The following WFDC8 variants were observed in gnomAD, a reference collection of about 807,000 sequenced individuals.
The protein encoded by WFDC8 is WAP four-disulfide core domain protein 8.
In WFDC8, 24 loss-of-function variants were observed where a neutral mutation model predicts 27.0. The observed-to-expected ratio is 0.89, with a 90% confidence interval of 0.64 to 1.25. WFDC8 has a LOEUF of 1.25. Ranked by LOEUF, WFDC8 falls within the 50% of genes most tolerant of loss-of-function variation. The pLI, the probability that WFDC8 is intolerant of heterozygous loss-of-function variation, is 0.00. For synonymous variants in WFDC8, 106 were observed against 99.7 expected (o/e 1.06, Z -0.38); for missense variants, 287 against 295.9 (o/e 0.97, Z 0.22).
rs184115183 is a variant in WFDC8, at chr20:45,558,312, C to T, written c.277+540G>A. ...TGTCTAGGGTGAATCTTTTCCCTCA[C>T]TTCAATAAGTAATAAACCCAATTTG... On this transcript the variant is annotated intron_variant, in intron 3 of 5. Coordinates refer to ENST00000289953, the MANE Select transcript of WFDC8 (RefSeq NM_130896.3). Among the ~76,000 whole-genome samples the T allele has an allele frequency of 3.3e-3, 496 of 152,322 alleles. 3 individuals are homozygous for T. Among genetic ancestry groups the T allele is most frequent in the African/African-American group, 0.011 (469 of 41,566 alleles).
At chr20:45,575,602 C>T (rs1050394508) in intron 1 of WFDC8, among the ~76,000 whole-genome samples, 1 of 151,160 alleles carries the variant, frequency 6.6e-6, no homozygotes, top group Non-Finnish European at 1.5e-5. Flanking sequence ...CCACCCAGAA[C>T]CTATCTTTTT....
At chr20:45,566,385 G>A (rs1980677050) in intron 1 of WFDC8, among the ~76,000 whole-genome samples, 1 of 152,100 alleles carries the variant, frequency 6.6e-6, no homozygotes, top group Admixed American at 6.5e-5. Context: ...TTGCTAGCCA[G>A]GTGCAGTGGC....
intron 1 of WFDC8, among the ~76,000 whole-genome samples, chr20:45,571,078 C>T (rs1233612041): frequency 6.6e-6 from 1 of 151,980 alleles, no homozygotes; most frequent in Admixed American, 6.5e-5. Context: ...ATTGAACCTA[C>T]TTTAAAAAAA....
intron 1 of WFDC8, among the ~76,000 whole-genome samples, chr20:45,571,723 A>G (rs1980875342): frequency 6.6e-6 from 1 of 152,212 alleles, no homozygotes; most frequent in African/African-American, 2.4e-5. Context: ...TAAGTGAGAC[A>G]TGCAATATTT....
chr20:45,565,017 A>AAAGAAAGGAAGGAAGGAAG lies in WFDC8; in HGVS notation c.27-2817_27-2799dup, dbSNP rs1227563726. On this transcript the variant is annotated intron_variant, in intron 1 of 5. Coordinates refer to ENST00000289953, the MANE Select transcript of WFDC8 (RefSeq NM_130896.3). ...GGAAAGGAAAGGAAGAAAGAAAGAG[A>AAAGAAAGGAAGGAAGGAAG]AAGAAAGGAAGGAAGGAAGAAGAAA... is the stretch of plus-strand genomic sequence containing the variant. Among the ~76,000 whole-genome samples the AAAGAAAGGAAGGAAGGAAG allele has an allele frequency of 9.3e-5, 12 of 128,716 alleles. No homozygotes were observed. The East Asian group carries it at 2.4e-3, about 25-fold the overall frequency. The allele number at this position is 128,716 out of a possible 152,430, so 84.4% of individuals were successfully genotyped here. A position where few individuals can be genotyped will look rare whatever the true frequency, so the allele number is the denominator to read the frequency against.
chr20:45,554,775 C>A (rs537995236), intron 4 of WFDC8, among the ~76,000 whole-genome samples: 2 of 152,314 alleles, frequency 1.3e-5, no homozygotes, highest in African/African-American at 4.8e-5. Flanking sequence ...GCCGTTCAGG[C>A]CCATGGGTCC....
At chr20:45,552,218 A>C in intron 5 of WFDC8, 53 bp from the exon 6 acceptor site, 2 of 1,599,146 alleles carry the variant, frequency 1.3e-6, no homozygotes. Context: ...TCATAATTTG[A>C]GACAAATTTG....
At chr20:45,561,991 T>C in intron 2 of WFDC8, 119 bp downstream of exon 2, 5 of 876,930 alleles carry the variant, frequency 5.7e-6, no homozygotes, top group Non-Finnish European at 7.2e-6. Context: ...GGTAGCTTTC[T>C]GTGGCCCCAA....
intron 1 of WFDC8, among the ~76,000 whole-genome samples, chr20:45,570,333 G>A (rs1039297826): frequency 6.6e-6 from 1 of 152,134 alleles, no homozygotes; most frequent in Non-Finnish European, 1.5e-5. Context: ...AACTGTTAAA[G>A]AATTGCTTTC....
At chr20:45,578,679 G>A (rs1981129409) in intron 1 of WFDC8, among the ~76,000 whole-genome samples, 1 of 152,222 alleles carries the variant, frequency 6.6e-6, no homozygotes, top group African/African-American at 2.4e-5. Flanking sequence ...ATGGACAGGA[G>A]TGTCCTCTTA....
At chr20:45,560,485 T>C (rs1234176667) in intron 2 of WFDC8, among the ~76,000 whole-genome samples, 1 of 152,184 alleles carries the variant, frequency 6.6e-6, no homozygotes, top group African/African-American at 2.4e-5. Context: ...TTAATGTGTC[T>C]CCATGATTCT....
intron 4 of WFDC8, among the ~76,000 whole-genome samples, chr20:45,553,671 G>C (rs1207009367): frequency 6.6e-6 from 1 of 152,136 alleles, no homozygotes; most frequent in South Asian, 2.1e-4. Context: ...GTTTTGAAAG[G>C]GTCATTGTGA....
rs1489277839 is a variant in WFDC8 at position 45,553,138 on chromosome 20, G to C, written c.584C>G (p.Thr195Arg). Residue 195 changes from threonine to arginine, a missense_variant and splice_region_variant, in exon 5 of 6, where the codon ACA becomes AGA. Coordinates refer to ENST00000289953, the MANE Select transcript of WFDC8 (RefSeq NM_130896.3). The stretch of plus-strand genomic sequence containing the variant: ...GGAGGTATATCCCCAATCCTTACCT[G>C]TCCAGGCCCTGGCACAAACAAAGCC... ...RCGFVCARAWTVKKGFCPRKP... is the reference protein window; with the variant it reads ...RCGFVCARAWRVKKGFCPRKP... The C allele has an allele frequency of 1.9e-6, 3 of 1,612,092 alleles. No individual in the cohort carries two copies. The highest frequency in any genetic ancestry group is 2.2e-5 in the South Asian group (2 of 90,794).
chr20:45,552,344 G>A (rs1980064125), intron 5 of WFDC8, among the ~76,000 whole-genome samples, 179 bp from the exon 6 acceptor site: 1 of 152,150 alleles, frequency 6.6e-6, no homozygotes, highest in Non-Finnish European at 1.5e-5. Flanking sequence ...CTAATAACTT[G>A]AGGAGCATCA....
At chr20:45,559,410 G>A (rs1029540096) in intron 2 of WFDC8, among the ~76,000 whole-genome samples, 1 of 152,140 alleles carries the variant, frequency 6.6e-6, no homozygotes, top group Admixed American at 6.5e-5. Flanking sequence ...CTTGACTCCT[G>A]GTAAACTCAA....
At chr20:45,563,107 T>G (rs1980527974) in intron 1 of WFDC8, among the ~76,000 whole-genome samples, 1 of 152,202 alleles carries the variant, frequency 6.6e-6, no homozygotes, top group Admixed American at 6.5e-5. Context: ...AAGTAAAGAC[T>G]TGTGACAATT....
At chr20:45,577,096 C>G (rs1284950381) in intron 1 of WFDC8, among the ~76,000 whole-genome samples, 4 of 151,422 alleles carry the variant, frequency 2.6e-5, no homozygotes, top group Non-Finnish European at 5.9e-5. Context: ...TACACATTCC[C>G]AGCTGAAGTC....
At chr20:45,555,469 A>G (rs1410895476) in intron 4 of WFDC8, among the ~76,000 whole-genome samples, 1 of 152,046 alleles carries the variant, frequency 6.6e-6, no homozygotes, top group Non-Finnish European at 1.5e-5. Flanking sequence ...ACACTATCTC[A>G]TTTTTTGGCA....
At chr20:45,556,410 T>A (rs939833326) in intron 3 of WFDC8, among the ~76,000 whole-genome samples, 16 of 145,980 alleles carry the variant, frequency 1.1e-4, no homozygotes, top group African/African-American at 3.3e-4. Context: ...TCATTTGAGT[T>A]GAAAATGGGT....
Sources: allele counts gnomAD v4.1 joint callset (sites outside exome capture counted in the v4.1 genomes callset), GRCh38; gene constraint gnomAD v4.1.1; transcripts MANE v1.5; gene names NCBI Gene and HGNC (gene_info 2026-07-23, HGNC 2026-07-21).